The following USP7 variants were observed in gnomAD, a reference collection of about 807,000 sequenced individuals.
The protein encoded by USP7 is ubiquitin C-terminal hydrolase 7.
USP7 carries 9 observed loss-of-function variants against 162.9 expected under a neutral mutation model. The ratio of observed to expected loss-of-function variants is 0.06; its 90% CI spans 0.03 to 0.10. The LOEUF (loss-of-function observed/expected upper bound fraction) is 0.10, where lower values mean the gene tolerates loss of function less well. Ranked by LOEUF, USP7 falls within the 10% of genes least tolerant of loss-of-function variation. USP7 has a pLI of 1.00. For synonymous variants in USP7, 562 were observed against 475.9 expected (o/e 1.18, Z -2.35); for missense variants, 715 against 1,373.7 (o/e 0.52, Z 7.58).
At chr16:8,909,629 A>G (rs2061912859) in intron 11 of USP7, among the ~76,000 whole-genome samples, 1 of 152,236 alleles carries the variant, frequency 6.6e-6, no homozygotes, top group African/African-American at 2.4e-5. Flanking sequence ...CCAAGTTCTC[A>G]TTAAAAAGCA....
Position 8,906,411 on chromosome 16 carries a change from G to C in USP7, c.1428+15C>G. The C allele has an allele frequency of 3.7e-6, 6 of 1,609,926 alleles. No homozygotes were observed. The highest frequency in any genetic ancestry group is 5.1e-6 in the Non-Finnish European group (6 of 1,178,544). On this transcript the variant is annotated intron_variant, in intron 13 of 30. Transcript: ENST00000344836. Reference sequence around the variant, plus strand: ...TCTGATGAGCTTGCATTCAGCCCTGGGTCCCACCACTTACTTTGCCATCCC... The same window carrying C: ...TCTGATGAGCTTGCATTCAGCCCTGCGTCCCACCACTTACTTTGCCATCCC...
intron 2 of USP7, among the ~76,000 whole-genome samples, chr16:8,924,915 CG>C (rs1897907009): frequency 6.6e-6 from 1 of 152,188 alleles, no homozygotes; most frequent in South Asian, 2.1e-4. Context: ...CTGAAAGAGG[CG>C]CATCTTGTCC....
chr16:8,957,454 C>G (rs1899853808), intron 1 of USP7, among the ~76,000 whole-genome samples: 1 of 151,618 alleles, frequency 6.6e-6, no homozygotes, highest in Admixed American at 6.6e-5. Context: ...TGCAAAAAAC[C>G]ATAAACGGGC....
At chr16:8,915,581 A>T (rs983452810) in intron 8 of USP7, 56 bp from the exon 9 acceptor site, 2 of 1,427,644 alleles carry the variant, frequency 1.4e-6, no homozygotes, top group African/African-American at 2.9e-5. Context: ...TAATATATAC[A>T]GTAATTTTAT....
intron 4 of USP7, among the ~76,000 whole-genome samples, chr16:8,920,708 T>G (rs563406783): frequency 2.6e-5 from 4 of 152,344 alleles, no homozygotes; most frequent in African/African-American, 9.6e-5. Flanking sequence ...AGGAGAAATC[T>G]GTGCCCCTCT....
chr16:8,892,744 T>C lies in USP7; in HGVS notation c.*1254A>G, dbSNP rs954691227. The C allele has an allele frequency of 6.6e-6, 1 of 152,204 alleles. No homozygotes were observed. Among genetic ancestry groups the C allele is most frequent in the African/African-American group, 2.4e-5 (1 of 41,462 alleles). 9.4% of individuals were successfully genotyped at this position (152,204 alleles called of 1,614,324 possible). On this transcript the variant is annotated 3_prime_UTR_variant, in exon 31 of 31. Coordinates refer to ENST00000344836, the MANE Select transcript of USP7 (RefSeq NM_003470.3). Reference sequence around the variant, plus strand: ...CCTGTTTCCAGGGAGAGTAGAAATCTTCCTCCACTTCCACGTAACTCACTG... The same window carrying C: ...CCTGTTTCCAGGGAGAGTAGAAATCCTCCTCCACTTCCACGTAACTCACTG...
At position 8,936,595 on chromosome 16, in the gene USP7, G is replaced by A. The variant is rs113545079; in HGVS notation, c.80-6198C>T. On this transcript the variant is annotated intron_variant, in intron 1 of 30. Transcript: ENST00000344836. ...AAACCTGACTCACCTTCCAGCCCAAGCCTGTGGTTCCCAGCCATCTCTGCA... is the reference window on the plus strand; with the variant it reads ...AAACCTGACTCACCTTCCAGCCCAAACCTGTGGTTCCCAGCCATCTCTGCA... 1,503 of 1,552,962 alleles carry A rather than the reference G, an allele frequency of 9.7e-4. 2 individuals carry two copies. The highest frequency in any genetic ancestry group is 2.0e-3 in the Middle Eastern group (12 of 5,988).
At chr16:8,905,585 C>T (rs2061847366) in intron 13 of USP7, among the ~76,000 whole-genome samples, 1 of 152,216 alleles carries the variant, frequency 6.6e-6, no homozygotes, top group African/African-American at 2.4e-5. Flanking sequence ...TACCATTCGC[C>T]CAATGGCAAT....
chr16:8,899,848 A>T, intron 21 of USP7, 91 bp from the exon 22 acceptor site: 1 of 1,412,498 alleles, frequency 7.1e-7, no homozygotes, highest in Non-Finnish European at 1.0e-6. Flanking sequence ...CAACAGTGAC[A>T]CCAACAGGCT....
At position 8,963,499 on chromosome 16, in the gene USP7, C is replaced by A. The variant is rs1428987824; in HGVS notation, c.-214G>T. 1 of 140,096 alleles carries A rather than the reference C, an allele frequency of 7.1e-6. No individual in the cohort carries two copies. The highest frequency in any genetic ancestry group is 2.6e-5 in the African/African-American group (1 of 39,096). The allele number at this position is 140,096 out of a possible 1,614,324, so 8.7% of individuals were successfully genotyped here. A position where few individuals can be genotyped will look rare whatever the true frequency, so the allele number is the denominator to read the frequency against. On this transcript the variant is annotated 5_prime_UTR_variant, in exon 1 of 31. Coordinates refer to ENST00000344836, the MANE Select transcript of USP7 (RefSeq NM_003470.3). Reference sequence around the variant, plus strand: ...CGCGCACGTACTTGCTCGCGATTCGCCCAATCTCGGCGCCGAGGCGGGCGG... The same window carrying A: ...CGCGCACGTACTTGCTCGCGATTCGACCAATCTCGGCGCCGAGGCGGGCGG...
At chr16:8,919,636 G>A (rs993727429) in intron 5 of USP7, among the ~76,000 whole-genome samples, 1 of 151,806 alleles carries the variant, frequency 6.6e-6, no homozygotes, top group South Asian at 2.1e-4. Context: ...GGTTGTTTGG[G>A]AGCAAGATAA....
At chr16:8,912,497 CA>C (rs1362089732) in intron 10 of USP7, among the ~76,000 whole-genome samples, 7 of 149,620 alleles carry the variant, frequency 4.7e-5, no homozygotes, top group African/African-American at 1.7e-4. Flanking sequence ...ACCAAGCATG[CA>C]AAGAAGCTGA....
intron 13 of USP7, among the ~76,000 whole-genome samples, chr16:8,905,554 T>A (rs954677969): frequency 6.6e-6 from 1 of 152,236 alleles, no homozygotes; most frequent in Non-Finnish European, 1.5e-5. Context: ...CAGTCCCCAT[T>A]CAACATTCTG....
At position 8,892,950 on chromosome 16, in the gene USP7, C is replaced by G. The variant is rs1030145072; in HGVS notation, c.*1048G>C. ...ACTGCACTCAAAACTAGACACGCAG[C>G]TGGCATTAGCTCCAAAATAAAAGGA... On this transcript the variant is annotated 3_prime_UTR_variant, in exon 31 of 31. Coordinates refer to ENST00000344836, the MANE Select transcript of USP7 (RefSeq NM_003470.3). 1 of 152,152 alleles carries G rather than the reference C, an allele frequency of 6.6e-6. No homozygotes were observed. The highest frequency in any genetic ancestry group is 2.4e-5 in the African/African-American group (1 of 41,430). 9.4% of individuals were successfully genotyped at this position (152,152 alleles called of 1,614,324 possible). A position where few individuals can be genotyped will look rare whatever the true frequency, so the allele number is the denominator to read the frequency against.
At position 8,920,379 on chromosome 16, in the gene USP7, C is replaced by T. The variant is rs753389669; in HGVS notation, c.591G>A (p.Ala197=). The change falls in exon 5 of 31, where the codon GCG becomes GCA. Residue 197 remains alanine (A), a synonymous_variant. Coordinates refer to ENST00000344836, the MANE Select transcript of USP7 (RefSeq NM_003470.3). ...CTTACGCAACTCCATGGGGAGCATCCGCCTGTACAAAGACTTCAAAGGTAA... is the reference window on the plus strand; with the variant it reads ...CTTACGCAACTCCATGGGGAGCATCTGCCTGTACAAAGACTTCAAAGGTAA... ...DKVTFEVFVQ[A]DAPHGVAWDS... 6.4e-5 allele frequency: 104 copies of T among 1,612,706 alleles called. 2 individuals carry two copies. Among genetic ancestry groups the T allele is most frequent in the South Asian group, 5.0e-4 (45 of 90,624 alleles).
chr16:8,950,359 A>T (rs1422583355), intron 1 of USP7, among the ~76,000 whole-genome samples: 1 of 152,242 alleles, frequency 6.6e-6, no homozygotes, highest in Non-Finnish European at 1.5e-5. Context: ...AGATTAAAAC[A>T]GTATTTTAAG....
At chr16:8,962,324 G>A (rs563102178) in intron 1 of USP7, among the ~76,000 whole-genome samples, 1 of 152,340 alleles carries the variant, frequency 6.6e-6, no homozygotes, top group South Asian at 2.1e-4. Flanking sequence ...GAAATGGGTC[G>A]TGAGAAAAAG....
intron 1 of USP7, among the ~76,000 whole-genome samples, chr16:8,949,110 A>C (rs749893609): frequency 1.8e-4 from 28 of 152,262 alleles, no homozygotes; most frequent in Non-Finnish European, 3.7e-4. Context: ...ACAATTGTGA[A>C]TACTAAAAAC....
At chr16:8,930,425 G>C (rs16964691) in intron 1 of USP7, 28 bp from the exon 2 acceptor site, 91,037 of 1,545,556 alleles carry the variant, frequency 0.059, 2,897 homozygotes, top group Middle Eastern at 0.1. Context: ...AAATTCCACG[G>C]GTTTTACATT....
Sources: allele counts gnomAD v4.1 joint callset (sites outside exome capture counted in the v4.1 genomes callset), GRCh38; gene constraint gnomAD v4.1.1; transcripts MANE v1.5; gene names NCBI Gene and HGNC (gene_info 2026-07-23, HGNC 2026-07-21).